SLC38A1: variants seen among roughly 807,000 people sequenced by gnomAD.
The protein encoded by SLC38A1 is solute carrier family 38 member 1, also known as sodium-coupled neutral amino acid symporter 1.
A neutral mutation model predicts 60.3 loss-of-function variants in SLC38A1; 18 were observed. The observed-to-expected ratio is 0.30, with a 90% CI of 0.21 to 0.44. The LOEUF (loss-of-function observed/expected upper bound fraction) is 0.44, where lower values mean the gene tolerates loss of function less well. Ranked by LOEUF, SLC38A1 falls within the 20% of genes least tolerant of loss-of-function variation. The pLI is 1.00. For missense variants in SLC38A1, 448 were observed against 587.2 expected (o/e 0.76, Z 2.45); for synonymous variants, 196 against 212.1 (o/e 0.92, Z 0.66).
intron 1 of SLC38A1, among the ~76,000 whole-genome samples, chr12:46,245,660 G>A (rs1282695196): frequency 6.6e-6 from 1 of 152,112 alleles, no homozygotes; most frequent in Non-Finnish European, 1.5e-5. Flanking sequence ...ATAAAGACAT[G>A]TGCGCTGAGC....
intron 9 of SLC38A1, among the ~76,000 whole-genome samples, chr12:46,204,824 C>T (rs1366755466): frequency 6.6e-6 from 1 of 152,068 alleles, no homozygotes; most frequent in Non-Finnish European, 1.5e-5. Flanking sequence ...TGAATAGAAA[C>T]ATTATATTAC....
intron 13 of SLC38A1, among the ~76,000 whole-genome samples, 169 bp downstream of exon 13, chr12:46,200,929 G>T (rs1033881484): frequency 2.6e-5 from 4 of 152,290 alleles, no homozygotes; most frequent in East Asian, 3.9e-4. Flanking sequence ...TCGGCAGTCT[G>T]CATGAACATG....
intron 3 of SLC38A1, 193 bp downstream of exon 3, chr12:46,239,486 G>C: frequency 2.1e-6 from 1 of 469,720 alleles, no homozygotes; most frequent in Admixed American, 3.4e-5. Flanking sequence ...CACATGCCTG[G>C]CTAATTTTTT....
Position 46,183,341 on chromosome 12 carries a change from A to C in SLC38A1, c.*5629T>G, listed in dbSNP as rs1436041621. 1 of 152,242 alleles carries C rather than the reference A, an allele frequency of 6.6e-6. No individual in the cohort carries two copies. The highest frequency in any genetic ancestry group is 1.5e-5 in the Non-Finnish European group (1 of 68,038). The allele number at this position is 152,242 out of a possible 1,614,324, so 9.4% of individuals were successfully genotyped here. ...CACTGGACTCTAGAGAGTGGATTAC[A>C]TACCAACGACCAAGATTCAAGTGTT... On this transcript the variant is annotated 3_prime_UTR_variant, in exon 17 of 17. Coordinates refer to ENST00000398637, the MANE Select transcript of SLC38A1 (RefSeq NM_030674.4).
intron 1 of SLC38A1, among the ~76,000 whole-genome samples, chr12:46,252,878 G>A (rs1941899704): frequency 2.0e-5 from 3 of 151,856 alleles, no homozygotes; most frequent in African/African-American, 7.3e-5. Flanking sequence ...AAAAAAGAAG[G>A]GGATCCTCTC....
At position 46,208,933 on chromosome 12, in the gene SLC38A1, C is replaced by G. The variant is rs576680580; in HGVS notation, c.388+121G>C. 14 of 721,354 alleles carry G rather than the reference C, an allele frequency of 1.9e-5. No homozygotes were observed. In the African/African-American group the frequency reaches 2.4e-4, roughly 12 times the overall value. 44.7% of individuals were successfully genotyped at this position (721,354 alleles called of 1,614,324 possible). ...TATAGGTCTTCCAATCACTCTAGGT[C>G]AAAATAGTCTTTCTTTTTAATAATC... On this transcript the variant is annotated intron_variant, in intron 6 of 16. Coordinates refer to ENST00000398637, the MANE Select transcript of SLC38A1 (RefSeq NM_030674.4).
intron 1 of SLC38A1, among the ~76,000 whole-genome samples, chr12:46,252,691 A>G (rs1426521705): frequency 4.6e-5 from 7 of 151,642 alleles, no homozygotes; most frequent in Non-Finnish European, 1.0e-4. Context: ...GATCACTCAT[A>G]TATATATATA....
chr12:46,188,973 G>C lies in SLC38A1; in HGVS notation c.1461C>G (p.His487Gln), dbSNP rs1330274954. The C allele has an allele frequency of 3.7e-6, 6 of 1,612,738 alleles. No homozygotes were observed. Among genetic ancestry groups the C allele is most frequent in the Admixed American group, 1.7e-5 (1 of 59,974 alleles). ...TGTTTCTTTTTCTCGGCGGGTTTCAGTGGCCTTCGTCACTACTCGATGAGC... is the reference window on the plus strand; with the variant it reads ...TGTTTCTTTTTCTCGGCGGGTTTCACTGGCCTTCGTCACTACTCGATGAGC... Reference protein sequence around the residue: ...WACSSSSDEGH With the variant: ...WACSSSSDEGQ The change falls in exon 17 of 17, where the codon CAC becomes CAG. Residue 487 changes from histidine (H) to glutamine (Q), a missense_variant. This residue lies in a region of SLC38A1 where 346 missense variants were observed against 497.5 expected (regional missense o/e 0.70). Transcript: ENST00000398637.
At chr12:46,245,007 C>T (rs1941567627) in intron 1 of SLC38A1, among the ~76,000 whole-genome samples, 1 of 152,022 alleles carries the variant, frequency 6.6e-6, no homozygotes, top group African/African-American at 2.4e-5. Context: ...TTTTTATGCC[C>T]ACCATCACCT....
intron 5 of SLC38A1, among the ~76,000 whole-genome samples, chr12:46,210,860 T>G (rs1181363210): frequency 6.6e-6 from 1 of 152,154 alleles, no homozygotes; most frequent in Non-Finnish European, 1.5e-5. Flanking sequence ...TTACCCAGTC[T>G]CAGGAATGTC....
rs115245063 is a variant in SLC38A1, at chr12:46,226,595, C to T, written c.314+2558G>A. Among the ~76,000 whole-genome samples the T allele has an allele frequency of 9.6e-3, 1,391 of 145,646 alleles. 23 individuals are homozygous for T. The highest frequency in any genetic ancestry group is 0.033 in the African/African-American group (1,324 of 40,116). On this transcript the variant is annotated intron_variant, in intron 5 of 16. Coordinates refer to ENST00000398637, the MANE Select transcript of SLC38A1 (RefSeq NM_030674.4). The stretch of plus-strand genomic sequence containing the variant: ...AACACAATAATGTAAAAAAATTTCC[C>T]AAACTGAAGGTCATGGATTTCCTTT...
chr12:46,193,239 G>A (rs577750856), intron 16 of SLC38A1, among the ~76,000 whole-genome samples: 112 of 152,304 alleles, frequency 7.4e-4, no homozygotes, highest in African/African-American at 2.6e-3. Context: ...TAGTTGTGTG[G>A]TTTTGAGTGA....
intron 5 of SLC38A1, among the ~76,000 whole-genome samples, chr12:46,221,361 C>T (rs981015643): frequency 6.6e-6 from 1 of 152,140 alleles, no homozygotes; most frequent in Non-Finnish European, 1.5e-5. Context: ...CCAACCTCAT[C>T]TAGTATTTCT....
intron 1 of SLC38A1, among the ~76,000 whole-genome samples, chr12:46,252,996 GAAA>G (rs71437760): frequency 9.3e-6 from 1 of 107,208 alleles, no homozygotes; most frequent in African/African-American, 3.6e-5. Context: ...ATCTTTTTTT[GAAA>G]AAAAAAAAAA....
chr12:46,243,341 T>A (rs1018198716), intron 1 of SLC38A1, 27 bp from the exon 2 acceptor site: 4 of 152,092 alleles, frequency 2.6e-5, no homozygotes, highest in Non-Finnish European at 5.9e-5. Context: ...TGAGCACAAA[T>A]AAAAAATATA....
At chr12:46,192,910 G>C (rs1274391261) in intron 16 of SLC38A1, among the ~76,000 whole-genome samples, 10 of 152,000 alleles carry the variant, frequency 6.6e-5, no homozygotes, top group Non-Finnish European at 1.0e-4. Flanking sequence ...TTTTTTGAAG[G>C]GTTTTTGTAT....
At chr12:46,196,332 C>T (rs774126225) in intron 16 of SLC38A1, 15 of 1,529,286 alleles carry the variant, frequency 9.8e-6, no homozygotes, top group Non-Finnish European at 1.3e-5. Context: ...GGCATACCAT[C>T]CTGGGTCCAG....
At chr12:46,249,115 C>T (rs975302642) in intron 1 of SLC38A1, among the ~76,000 whole-genome samples, 2 of 144,552 alleles carry the variant, frequency 1.4e-5, no homozygotes, top group African/African-American at 5.2e-5. Context: ...AAGATCGTGC[C>T]ACTGCACTCC....
chr12:46,208,214 A>T (rs1405123157), intron 6 of SLC38A1, among the ~76,000 whole-genome samples: 1 of 152,242 alleles, frequency 6.6e-6, no homozygotes, highest in African/African-American at 2.4e-5. Flanking sequence ...AATCTGTCAA[A>T]AGCATAATTT....
Sources: gnomAD v4.1 joint callset for allele counts (sites outside exome capture counted in the v4.1 genomes callset) on GRCh38, gnomAD v4.1.1 for gene constraint, gnomAD v4.1.1 regional missense constraint, MANE v1.5 for transcripts, NCBI Gene and HGNC (gene_info 2026-07-23, HGNC 2026-07-21) for gene names.